Variants in EYS observed in about 807,000 individuals in gnomAD.
EYS encodes the protein EGF-like photoreceptor maintenance factor, also known as protein eyes shut homolog.
In EYS, 250 loss-of-function variants were observed where a neutral mutation model predicts 282.1. The ratio of observed to expected loss-of-function variants is 0.89; its 90% confidence interval spans 0.80 to 0.98. The LOEUF is 0.98. EYS is among the 50% of genes least tolerant of loss of function. EYS has a pLI of 0.00. For synonymous variants in EYS, 1,355 were observed against 1,282.9 expected, an observed-to-expected ratio of 1.06 and a Z score of -1.20; for missense variants, 4,016 against 3,709.0, an observed-to-expected ratio of 1.08 and a Z score of -2.15.
chr6:65,429,423 T>C (rs1356652496), intron 5 of EYS, among the ~76,000 whole-genome samples: 2 of 152,180 alleles, frequency 1.3e-5, no homozygotes, highest in Admixed American at 6.6e-5. Context: ...TCAATTCATT[T>C]TCCAGCAGGC....
chr6:64,415,477 T>A (rs916517774), intron 28 of EYS, among the ~76,000 whole-genome samples: 1 of 152,180 alleles, frequency 6.6e-6, no homozygotes, highest in African/African-American at 2.4e-5. Flanking sequence ...TGGTTTACAT[T>A]CTCTCTGTCC....
At chr6:64,700,478 A>G (rs937674471) in intron 22 of EYS, among the ~76,000 whole-genome samples, 10 of 152,030 alleles carry the variant, frequency 6.6e-5, no homozygotes, top group Admixed American at 5.9e-4. Flanking sequence ...TATACCTAGG[A>G]AAGGCTAAAG....
At chr6:65,536,667 CAG>C (rs1767974099) in intron 2 of EYS, among the ~76,000 whole-genome samples, 1 of 151,914 alleles carries the variant, frequency 6.6e-6, no homozygotes, top group South Asian at 2.1e-4. Context: ...TGGTGTAAAA[CAG>C]AAGAAAGTAG....
chr6:65,353,490 T>A lies in EYS; in HGVS notation c.1427A>T (p.Gln476Leu). 6.2e-7 allele frequency: 1 copy of A among 1,613,196 alleles called. No individual in the cohort carries two copies. Among genetic ancestry groups the A allele is most frequent in the Non-Finnish European group, 8.5e-7 (1 of 1,179,470 alleles). Reference protein sequence around the residue: ...HGICQDKGPAQFEYVWQLGFA... With the variant: ...HGICQDKGPALFEYVWQLGFA... ...TCCCAATTGCCACACATATTCAAAT[T>A]GAGCAGGACCTTTATCTTGGCAAAT... Residue 476 changes from glutamine (Q) to leucine (L), a missense_variant, in exon 9 of 43, where the codon CAA (glutamine) becomes CTA (leucine). By Grantham distance (113) the Gln-to-Leu change is moderately radical. Transcript: ENST00000503581.
intron 33 of EYS, among the ~76,000 whole-genome samples, chr6:64,065,432 A>G (rs940379320): frequency 6.6e-6 from 1 of 152,214 alleles, no homozygotes; most frequent in African/African-American, 2.4e-5. Context: ...TAGTTGCTGC[A>G]TGTAAATTTT....
At chr6:63,888,079 G>T (rs1167282792) in intron 35 of EYS, among the ~76,000 whole-genome samples, 1 of 152,210 alleles carries the variant, frequency 6.6e-6, no homozygotes, top group Non-Finnish European at 1.5e-5. Context: ...TAGTCAGACT[G>T]CCTCTCTAGA....
chr6:65,166,764 T>A (rs1244264687), intron 12 of EYS, among the ~76,000 whole-genome samples: 1 of 151,118 alleles, frequency 6.6e-6, no homozygotes, highest in Non-Finnish European at 1.5e-5. Context: ...ACCCATAGAA[T>A]GGTAGAAAAT....
intron 39 of EYS, among the ~76,000 whole-genome samples, chr6:63,780,624 GT>G (rs58606535): frequency 0.081 from 12,376 of 152,180 alleles, 563 homozygotes; most frequent in East Asian, 0.16. Flanking sequence ...ATTTGTTTAA[GT>G]TTTTTGTAGA....
intron 30 of EYS, among the ~76,000 whole-genome samples, chr6:64,277,083 T>C (rs1392352069): frequency 6.6e-6 from 1 of 152,122 alleles, no homozygotes; most frequent in African/African-American, 2.4e-5. Flanking sequence ...TATTAATACA[T>C]AGAATACATA....
intron 8 of EYS, among the ~76,000 whole-genome samples, chr6:65,374,414 A>T (rs1361923017): frequency 6.6e-6 from 1 of 151,652 alleles, no homozygotes; most frequent in Non-Finnish European, 1.5e-5. Flanking sequence ...AGACCAGGAG[A>T]TTCCCTCGTG....
intron 13 of EYS, among the ~76,000 whole-genome samples, chr6:65,053,093 G>T (rs1197744723): frequency 1.3e-5 from 2 of 151,634 alleles, no homozygotes; most frequent in Non-Finnish European, 3.0e-5. Context: ...ATTACACCAA[G>T]ATTTTTCTAA....
intron 13 of EYS, among the ~76,000 whole-genome samples, chr6:65,024,429 T>C (rs1338570097): frequency 6.6e-6 from 1 of 152,182 alleles, no homozygotes; most frequent in East Asian, 1.9e-4. Context: ...TGCAGGGCGA[T>C]GTCTGTGGGG....
At chr6:64,302,430 A>G (rs1458442798) in intron 30 of EYS, among the ~76,000 whole-genome samples, 5 of 152,180 alleles carry the variant, frequency 3.3e-5, no homozygotes, top group African/African-American at 1.2e-4. Flanking sequence ...GGATCAATTG[A>G]TACCAACACT....
At chr6:64,595,765 C>T (rs369738793) in intron 24 of EYS, among the ~76,000 whole-genome samples, 4 of 152,200 alleles carry the variant, frequency 2.6e-5, no homozygotes, top group African/African-American at 4.8e-5. Flanking sequence ...CTACAAAACA[C>T]TGATGCAAGA....
At chr6:64,188,003 ATGAGT>A (rs1353321767) in intron 31 of EYS, among the ~76,000 whole-genome samples, 4 of 152,282 alleles carry the variant, frequency 2.6e-5, no homozygotes, top group South Asian at 2.1e-4. Flanking sequence ...ATACAAAGTA[ATGAGT>A]TGAGATGGTA....
intron 8 of EYS, among the ~76,000 whole-genome samples, chr6:65,382,064 G>A (rs966117183): frequency 6.6e-6 from 1 of 151,510 alleles, no homozygotes; most frequent in African/African-American, 2.4e-5. Flanking sequence ...AATTTAGGTG[G>A]GTAATCACTG....
chr6:63,861,870 C>T (rs1772539200), intron 36 of EYS, among the ~76,000 whole-genome samples: 1 of 152,196 alleles, frequency 6.6e-6, no homozygotes, highest in Non-Finnish European at 1.5e-5. Context: ...AACTTTCCAG[C>T]CTCCGGATCA....
intron 26 of EYS, among the ~76,000 whole-genome samples, chr6:64,457,610 C>A (rs1387023619): frequency 6.6e-6 from 1 of 151,906 alleles, no homozygotes; most frequent in African/African-American, 2.4e-5. Context: ...CTATAGTGAC[C>A]TCCTTTGTCT....
At chr6:64,707,895 T>G (rs767283856) in intron 22 of EYS, among the ~76,000 whole-genome samples, 2 of 151,970 alleles carry the variant, frequency 1.3e-5, no homozygotes, top group African/African-American at 2.4e-5. Context: ...AACATGAAGT[T>G]GAATCACCTA....
Sources: gnomAD v4.1 joint callset for allele counts (sites outside exome capture counted in the v4.1 genomes callset) on GRCh38, gnomAD v4.1.1 for gene constraint, MANE v1.5 for transcripts, NCBI Gene and HGNC (gene_info 2026-07-23, HGNC 2026-07-21) for gene names.